The following GPC5 variants were observed in gnomAD, a reference collection of about 807,000 sequenced individuals.
The protein encoded by GPC5 is glypican-5.
Under a neutral mutation model 53.9 loss-of-function variants are expected in GPC5, and 47 were observed. The observed-to-expected ratio is 0.87, with a 90% CI of 0.69 to 1.11. The LOEUF (loss-of-function observed/expected upper bound fraction) is 1.11. Ranked by LOEUF, GPC5 falls within the 50% of genes most tolerant of loss-of-function variation. GPC5 has a pLI of 0.00. For synonymous variants in GPC5, 286 were observed against 263.3 expected (o/e 1.09, Z -0.84); for missense variants, 748 against 713.1 (o/e 1.05, Z -0.56).
At position 91,978,149 on chromosome 13, in the gene GPC5, A is replaced by G. The variant is rs556600635; in HGVS notation, c.1401+70092A>G. 3.3e-5 allele frequency among the ~76,000 whole-genome samples: 5 copies of G among 152,316 alleles called. No homozygotes were observed. The South Asian group carries it at 1.0e-3, about 32-fold the overall frequency. ...TGCATGTTCTCATGAAGGCTCTCAT[A>G]TCACATGAGACTTACATTAAATTTG... On this transcript the variant is annotated intron_variant, in intron 6 of 7. Coordinates refer to ENST00000377067, the MANE Select transcript of GPC5 (RefSeq NM_004466.6).
chr13:92,788,887 A>C (rs1876359271), intron 7 of GPC5, among the ~76,000 whole-genome samples: 1 of 152,278 alleles, frequency 6.6e-6, no homozygotes. Flanking sequence ...CACTAGGCCA[A>C]CGGGTTTCCC....
At chr13:92,254,030 A>T (rs2042709890) in intron 7 of GPC5, among the ~76,000 whole-genome samples, 1 of 152,062 alleles carries the variant, frequency 6.6e-6, no homozygotes, top group Non-Finnish European at 1.5e-5. Flanking sequence ...AGGAAGGGAG[A>T]TAGAGATGGA....
intron 5 of GPC5, among the ~76,000 whole-genome samples, chr13:91,818,141 A>G (rs1376981583): frequency 6.6e-6 from 1 of 152,214 alleles, no homozygotes; most frequent in African/African-American, 2.4e-5. Context: ...CATATGATAT[A>G]TGACATGTAT....
intron 7 of GPC5, among the ~76,000 whole-genome samples, chr13:92,171,877 C>T (rs949096898): frequency 5.9e-5 from 9 of 152,212 alleles, no homozygotes; most frequent in Non-Finnish European, 1.0e-4. Flanking sequence ...AAACCTGCTT[C>T]CTATCTTAAT....
intron 7 of GPC5, among the ~76,000 whole-genome samples, chr13:92,489,574 A>G (rs1030807507): frequency 6.6e-6 from 1 of 152,116 alleles, no homozygotes; most frequent in African/African-American, 2.4e-5. Flanking sequence ...GAAGGAAGTG[A>G]GAGATACCCA....
chr13:92,263,628 C>T (rs556440583), intron 7 of GPC5, among the ~76,000 whole-genome samples: 217 of 152,194 alleles, frequency 1.4e-3, no homozygotes, highest in Non-Finnish European at 2.3e-3. Flanking sequence ...GATAATCCTT[C>T]AAATATTAGC....
intron 7 of GPC5, among the ~76,000 whole-genome samples, chr13:92,275,635 T>C (rs1222982434): frequency 6.6e-6 from 1 of 152,136 alleles, no homozygotes; most frequent in Non-Finnish European, 1.5e-5. Context: ...TTTTGGATTC[T>C]CTAAAGTAAT....
At chr13:91,782,661 A>G (rs756360616) in intron 5 of GPC5, among the ~76,000 whole-genome samples, 1 of 152,142 alleles carries the variant, frequency 6.6e-6, no homozygotes, top group Non-Finnish European at 1.5e-5. Context: ...AATAGGTATT[A>G]ATTTTGTGTA....
intron 6 of GPC5, among the ~76,000 whole-genome samples, chr13:92,090,767 A>G (rs542346365): frequency 6.6e-6 from 1 of 152,348 alleles, no homozygotes; most frequent in Admixed American, 6.5e-5. Flanking sequence ...ATGTGCCTCA[A>G]TTAATGATGA....
intron 7 of GPC5, among the ~76,000 whole-genome samples, chr13:92,426,209 G>A (rs1302231710): frequency 1.3e-5 from 2 of 151,930 alleles, no homozygotes; most frequent in Non-Finnish European, 2.9e-5. Context: ...TTATATATCT[G>A]GCCATCAGTC....
intron 7 of GPC5, among the ~76,000 whole-genome samples, chr13:92,255,114 C>T (rs1254096282): frequency 6.6e-6 from 1 of 152,062 alleles, no homozygotes; most frequent in Non-Finnish European, 1.5e-5. Flanking sequence ...TATGCAAATA[C>T]TACACTGTTT....
At chr13:91,478,842 T>C (rs1174194044) in intron 2 of GPC5, among the ~76,000 whole-genome samples, 1 of 105,940 alleles carries the variant, frequency 9.4e-6, no homozygotes, top group South Asian at 3.2e-4. Context: ...CACATATATA[T>C]ACACATTATA....
chr13:92,851,887 C>CA (rs71202563), intron 7 of GPC5, among the ~76,000 whole-genome samples: 812 of 58,586 alleles, frequency 0.014, 10 homozygotes, highest in African/African-American at 0.026. Context: ...GACTCCGTCT[C>CA]AAAAAAAAAA....
chr13:92,597,045 C>T lies in GPC5; in HGVS notation c.1562-269237C>T, dbSNP rs1460825446. Among the ~76,000 whole-genome samples the T allele has an allele frequency of 3.3e-5, 5 of 152,092 alleles. No homozygotes were observed. In the South Asian group the frequency reaches 8.3e-4, roughly 25 times the overall value. On this transcript the variant is annotated intron_variant, in intron 7 of 7. Transcript: ENST00000377067. ...CCTCTTCACAGTGATGTAAAATATC[C>T]AGGCAACTCAGAACACTATTTATTT...
intron 1 of GPC5, among the ~76,000 whole-genome samples, chr13:91,415,810 C>T (rs1878179158): frequency 6.6e-6 from 1 of 152,012 alleles, no homozygotes; most frequent in Non-Finnish European, 1.5e-5. Context: ...AAAGATGTTG[C>T]TCAATCTTCT....
At chr13:92,248,302 C>T (rs573388308) in intron 7 of GPC5, among the ~76,000 whole-genome samples, 16 of 152,182 alleles carry the variant, frequency 1.1e-4, no homozygotes, top group African/African-American at 3.9e-4. Context: ...ACAAATCAAG[C>T]TTAGGTTCCT....
intron 5 of GPC5, among the ~76,000 whole-genome samples, chr13:91,798,878 G>A (rs967001564): frequency 6.6e-6 from 1 of 152,150 alleles, no homozygotes; most frequent in African/African-American, 2.4e-5. Flanking sequence ...GCTAGCATCT[G>A]TTGTTTCTGG....
intron 7 of GPC5, among the ~76,000 whole-genome samples, chr13:92,548,232 A>G (rs567903807): frequency 1.3e-5 from 2 of 152,016 alleles, no homozygotes; most frequent in African/African-American, 4.8e-5. Flanking sequence ...GAAGATAAAA[A>G]GCGTGGTTGG....
chr13:91,827,199 T>C (rs2038588771), intron 5 of GPC5, among the ~76,000 whole-genome samples: 1 of 151,960 alleles, frequency 6.6e-6, no homozygotes, highest in South Asian at 2.1e-4. Context: ...CATGAATATG[T>C]ACAACTATTA....
Sources: gnomAD v4.1 joint callset for allele counts (sites outside exome capture counted in the v4.1 genomes callset) on GRCh38, gnomAD v4.1.1 for gene constraint, MANE v1.5 for transcripts, NCBI Gene and HGNC (gene_info 2026-07-23, HGNC 2026-07-21) for gene names.